Variants in LIMCH1 observed in about 807,000 individuals in gnomAD.
The protein encoded by LIMCH1 is LIM and calponin homology domains 1.
LIMCH1 carries 113 observed loss-of-function variants against 176.5 expected under a neutral mutation model. That is an observed-to-expected ratio of 0.64 (90% CI 0.55 to 0.75). The LOEUF is 0.75. LIMCH1 is among the 30% of genes least tolerant of loss of function. LIMCH1 has a pLI of 0.00. For synonymous variants in LIMCH1, 619 were observed against 645.9 expected, an observed-to-expected ratio of 0.96 and a Z score of 0.63; for missense variants, 1,674 against 1,814.9, an observed-to-expected ratio of 0.92 and a Z score of 1.41.
intron 1 of LIMCH1, among the ~76,000 whole-genome samples, chr4:41,390,269 A>AGAGAGCGAGC (rs2057073937): frequency 6.7e-6 from 1 of 150,304 alleles, no homozygotes; most frequent in African/African-American, 2.5e-5. Flanking sequence ...AGAGAGAGAG[A>AGAGAGCGAGC]GAGAGCGAGA....
intron 15 of LIMCH1, 104 bp downstream of exon 15, chr4:41,644,730 C>T (rs761369154): frequency 3.3e-5 from 46 of 1,385,610 alleles, no homozygotes; most frequent in Non-Finnish European, 4.1e-5. Context: ...GGAAAGGGAG[C>T]CCCTAGAGGG....
chr4:41,563,826 A>G (rs944884393), intron 1 of LIMCH1, among the ~76,000 whole-genome samples: 5 of 152,176 alleles, frequency 3.3e-5, no homozygotes, highest in African/African-American at 1.2e-4. Context: ...AGAGATGAAA[A>G]CAGGAGACTA....
chr4:41,589,911 TCTC>T (rs760141612), intron 1 of LIMCH1, among the ~76,000 whole-genome samples: 1 of 152,046 alleles, frequency 6.6e-6, no homozygotes, highest in Non-Finnish European at 1.5e-5. Flanking sequence ...TCCTCACAGA[TCTC>T]CTCTTGCCCC....
chr4:41,401,495 G>A (rs1272028195), intron 1 of LIMCH1, among the ~76,000 whole-genome samples: 2 of 152,152 alleles, frequency 1.3e-5, no homozygotes, highest in African/African-American at 4.8e-5. Context: ...TTTTGGCTTA[G>A]GATTGACTTG....
chr4:41,449,589 C>A (rs909899606), intron 1 of LIMCH1, among the ~76,000 whole-genome samples: 6 of 152,144 alleles, frequency 3.9e-5, no homozygotes, highest in South Asian at 2.1e-4. Context: ...AATCTTTGCA[C>A]TTTCCCGCAT....
rs138567175 is a variant in LIMCH1 at position 41,666,607 on chromosome 4, C to T, written c.3338C>T (p.Pro1113Leu). The change falls in exon 21 of 32, where the codon CCA becomes CTA. Residue 1113 changes from proline (P) to leucine (L), a missense_variant. Transcript: ENST00000503057. The part of the protein sequence containing the change: ...SPEPEATLTF[P>L]FLDKMPEANQ... ...GAACCCGAAGCAACGCTGACATTTC[C>T]ATTTCTGGACAAAATGCCTGAAGCC... The T allele has an allele frequency of 4.3e-6, 7 of 1,613,878 alleles. No homozygotes were observed. The highest frequency in any genetic ancestry group is 5.9e-6 in the Non-Finnish European group (7 of 1,179,898).
chr4:41,385,504 T>C (rs2056369656), intron 1 of LIMCH1, among the ~76,000 whole-genome samples: 1 of 152,202 alleles, frequency 6.6e-6, no homozygotes, highest in African/African-American at 2.4e-5. Flanking sequence ...TTTGGAGGGA[T>C]ATCAAACTTA....
chr4:41,473,003 A>T (rs927197114), intron 1 of LIMCH1: 1 of 980,496 alleles, frequency 1.0e-6, no homozygotes, highest in Non-Finnish European at 1.2e-6. Flanking sequence ...TCTCCTCGGT[A>T]GGCCAGAGAA....
intron 1 of LIMCH1, chr4:41,551,226 T>C (rs1385818325): frequency 1.3e-5 from 2 of 152,180 alleles, no homozygotes; most frequent in East Asian, 3.8e-4. Context: ...GGGAAATATG[T>C]CTTTGATCCT....
chr4:41,435,134 G>A (rs1324344716), intron 1 of LIMCH1, among the ~76,000 whole-genome samples: 2 of 152,164 alleles, frequency 1.3e-5, no homozygotes, highest in Non-Finnish European at 2.9e-5. Flanking sequence ...GTCCTCATAA[G>A]AGGGGGACTG....
intron 18 of LIMCH1, among the ~76,000 whole-genome samples, chr4:41,657,327 C>G (rs1392511521): frequency 2.6e-5 from 4 of 152,178 alleles, no homozygotes. Context: ...TTGTTTGAAG[C>G]AAACCGCTGA....
intron 2 of LIMCH1, among the ~76,000 whole-genome samples, chr4:41,504,486 C>A (rs1487119320): frequency 6.6e-6 from 1 of 152,252 alleles, no homozygotes; most frequent in African/African-American, 2.4e-5. Flanking sequence ...AGATAATTCA[C>A]CTCCTCTGCC....
At chr4:41,672,167 C>T (rs1264153111) in intron 22 of LIMCH1, among the ~76,000 whole-genome samples, 4 of 152,012 alleles carry the variant, frequency 2.6e-5, no homozygotes, top group South Asian at 2.1e-4. Flanking sequence ...GTCAGGAGTT[C>T]GAGACCAACC....
At chr4:41,527,579 T>G (rs80171641) in intron 3 of LIMCH1, among the ~76,000 whole-genome samples, 1 of 152,178 alleles carries the variant, frequency 6.6e-6, no homozygotes, top group Admixed American at 6.5e-5. Context: ...CTCACGCCTG[T>G]AATCCCAGCA....
At chr4:41,674,179 AT>A (rs2095141620) in intron 22 of LIMCH1, among the ~76,000 whole-genome samples, 1 of 151,882 alleles carries the variant, frequency 6.6e-6, no homozygotes, top group African/African-American at 2.4e-5. Context: ...TCTGTGCTCA[AT>A]CCCCCCACCC....
At chr4:41,669,623 A>T (rs1216212099) in intron 21 of LIMCH1, among the ~76,000 whole-genome samples, 1 of 152,232 alleles carries the variant, frequency 6.6e-6, no homozygotes, top group Non-Finnish European at 1.5e-5. Flanking sequence ...ATTTATTTAA[A>T]TTGTGCACCA....
upstream of LIMCH1, among the ~76,000 whole-genome samples, chr4:41,533,613 A>C (rs2077562399): frequency 6.6e-6 from 1 of 152,230 alleles, no homozygotes; most frequent in Non-Finnish European, 1.5e-5. Flanking sequence ...AATCCACTTC[A>C]AGACATAATT....
At chr4:41,419,635 C>CTTCCTCCTTCCTTCCT (rs1457379676) in intron 1 of LIMCH1, among the ~76,000 whole-genome samples, 1 of 64,320 alleles carries the variant, frequency 1.6e-5, no homozygotes, top group Non-Finnish European at 2.7e-5. Flanking sequence ...TCCTTCCTTC[C>CTTCCTCCTTCCTTCCT]TCCTTCCTTT....
intron 4 of LIMCH1, chr4:41,613,230 G>A (rs1315424683): frequency 2.2e-6 from 2 of 905,364 alleles, no homozygotes; most frequent in Non-Finnish European, 3.3e-6. Context: ...AGTTATTTGG[G>A]GATTTTTTTA....
Sources: allele counts gnomAD v4.1 joint callset (sites outside exome capture counted in the v4.1 genomes callset), GRCh38; gene constraint gnomAD v4.1.1; transcripts MANE v1.5; gene names NCBI Gene and HGNC (gene_info 2026-07-23, HGNC 2026-07-21).